Variants in NRG3 observed in about 807,000 individuals in gnomAD.
NRG3 encodes the protein neuregulin 3.
Under a neutral mutation model 66.9 loss-of-function variants are expected in NRG3, and 31 were observed. The observed-to-expected ratio is 0.46, with a 90% CI of 0.35 to 0.63. NRG3 has a LOEUF of 0.63. Ranked by LOEUF, NRG3 falls within the 20% of genes least tolerant of loss-of-function variation. NRG3 has a pLI of 0.00. For missense variants in NRG3, 910 were observed against 878.9 expected (o/e 1.04, Z -0.45); for synonymous variants, 393 against 359.4 (o/e 1.09, Z -1.06).
chr10:82,978,472 A>G (rs1225360909), intron 7 of NRG3, among the ~76,000 whole-genome samples: 3 of 152,228 alleles, frequency 2.0e-5, no homozygotes, highest in Non-Finnish European at 2.9e-5. Flanking sequence ...GAAAATGCCA[A>G]TTAAAAGTTG....
intron 2 of NRG3, among the ~76,000 whole-genome samples, chr10:82,702,129 A>G (rs944801685): frequency 5.2e-4 from 79 of 152,310 alleles, no homozygotes; most frequent in African/African-American, 1.8e-3. Context: ...AGAGTGGGTC[A>G]CAACACGATT....
intron 2 of NRG3, among the ~76,000 whole-genome samples, chr10:82,530,875 G>A (rs935943069): frequency 2.0e-5 from 3 of 151,700 alleles, no homozygotes; most frequent in Non-Finnish European, 4.4e-5. Context: ...AATTTGAGAA[G>A]GCCTAGAGTT....
intron 8 of NRG3, among the ~76,000 whole-genome samples, chr10:82,982,045 A>T (rs2132675740): frequency 6.6e-6 from 1 of 152,342 alleles, no homozygotes; most frequent in East Asian, 1.9e-4. Context: ...AAGAGCTGCG[A>T]TTGAATACTG....
At chr10:81,976,862 A>T (rs1047043445) in intron 1 of NRG3, among the ~76,000 whole-genome samples, 1 of 152,222 alleles carries the variant, frequency 6.6e-6, no homozygotes, top group Admixed American at 6.5e-5. Context: ...GATGTTACAC[A>T]AAATAAAAAT....
intron 1 of NRG3, chr10:82,229,990 A>G (rs1277370168): frequency 1.3e-5 from 2 of 152,216 alleles, no homozygotes; most frequent in African/African-American, 2.4e-5. Flanking sequence ...AATCTGTTAG[A>G]AAATCCAAAC....
intron 2 of NRG3, among the ~76,000 whole-genome samples, chr10:82,484,960 G>T (rs766183301): frequency 1.4e-4 from 21 of 152,256 alleles, no homozygotes; most frequent in Admixed American, 6.5e-5. Flanking sequence ...ACACTTTTTA[G>T]TGTTAACCAT....
chr10:82,532,487 CTATATATAGTACTATATACATCTA>C (rs1242954995), intron 2 of NRG3, among the ~76,000 whole-genome samples: 3 of 146,918 alleles, frequency 2.0e-5, no homozygotes, highest in African/African-American at 7.4e-5. Flanking sequence ...ATAGTACTCT[CTATATATAGTACTATATACATCTA>C]TATGTATATA....
intron 6 of NRG3, among the ~76,000 whole-genome samples, chr10:82,971,706 G>A (rs977745891): frequency 2.0e-5 from 3 of 151,890 alleles, no homozygotes; most frequent in Admixed American, 1.3e-4. Flanking sequence ...CAAAATTCTG[G>A]GATTACAGTC....
chr10:82,868,584 G>C (rs146871558), intron 4 of NRG3, among the ~76,000 whole-genome samples: 1 of 152,158 alleles, frequency 6.6e-6, no homozygotes, highest in African/African-American at 2.4e-5. Flanking sequence ...TATAAATTTA[G>C]TGAATATGCT....
intron 3 of NRG3, among the ~76,000 whole-genome samples, chr10:82,771,497 G>C (rs1194512036): frequency 6.6e-6 from 1 of 152,114 alleles, no homozygotes; most frequent in East Asian, 1.9e-4. Context: ...GTGGACTCGT[G>C]ATGCCCCCAG....
chr10:81,998,996 T>A (rs2133652370), intron 1 of NRG3, among the ~76,000 whole-genome samples: 1 of 152,264 alleles, frequency 6.6e-6, no homozygotes, highest in South Asian at 2.1e-4. Flanking sequence ...AGAGATGGGG[T>A]TTCACCGTGT....
At chr10:82,311,349 CT>C (rs2081016594) in intron 1 of NRG3, among the ~76,000 whole-genome samples, 3 of 152,262 alleles carry the variant, frequency 2.0e-5, no homozygotes, top group Admixed American at 2.0e-4. Flanking sequence ...ACAACATTCC[CT>C]AAGTGCTCCT....
At chr10:82,810,152 T>C (rs796805146) in intron 3 of NRG3, among the ~76,000 whole-genome samples, 21 of 152,312 alleles carry the variant, frequency 1.4e-4, no homozygotes, top group African/African-American at 4.1e-4. Context: ...AGGTTCTTAA[T>C]TGTAGTACAG....
At chr10:82,817,073 C>A (rs557309586) in intron 3 of NRG3, among the ~76,000 whole-genome samples, 10 of 152,180 alleles carry the variant, frequency 6.6e-5, no homozygotes, top group Non-Finnish European at 1.5e-4. Context: ...AATGATCTTG[C>A]CTTTTCCACG....
intron 1 of NRG3, among the ~76,000 whole-genome samples, chr10:82,198,612 A>G (rs2074579060): frequency 6.6e-6 from 1 of 152,162 alleles, no homozygotes; most frequent in Admixed American, 6.5e-5. Flanking sequence ...GTGTTGTTTC[A>G]TTCATTTATT....
intron 2 of NRG3, among the ~76,000 whole-genome samples, chr10:82,686,479 C>T (rs990273209): frequency 3.9e-5 from 6 of 152,140 alleles, no homozygotes; most frequent in Non-Finnish European, 5.9e-5. Flanking sequence ...CGAGCCACCG[C>T]GCCCTGCCCC....
chr10:82,539,248 T>G (rs1431015061), intron 2 of NRG3, among the ~76,000 whole-genome samples: 2 of 152,214 alleles, frequency 1.3e-5, no homozygotes, highest in Non-Finnish European at 2.9e-5. Flanking sequence ...TGATAAGGGT[T>G]TTGTGCAATT....
At chr10:82,285,892 A>G (rs774039652) in intron 1 of NRG3, among the ~76,000 whole-genome samples, 22 of 152,172 alleles carry the variant, frequency 1.4e-4, no homozygotes, top group Non-Finnish European at 2.6e-4. Context: ...TCCCAAGTTT[A>G]TTTACATGGA....
At chr10:82,076,945 A>G (rs1590019399) in intron 1 of NRG3, among the ~76,000 whole-genome samples, 1 of 152,312 alleles carries the variant, frequency 6.6e-6, no homozygotes, top group East Asian at 1.9e-4. Context: ...TGATTGCTTC[A>G]TCTGTAAAAA....
Sources: gnomAD v4.1 joint callset for allele counts (sites outside exome capture counted in the v4.1 genomes callset) on GRCh38, gnomAD v4.1.1 for gene constraint, MANE v1.5 for transcripts, NCBI Gene and HGNC (gene_info 2026-07-23, HGNC 2026-07-21) for gene names.